Variants in MAN2B2 observed in about 807,000 individuals in gnomAD.
The protein encoded by MAN2B2 is mannosidase alpha class 2B member 2.
Under a neutral mutation model 117.1 loss-of-function variants are expected in MAN2B2, and 106 were observed. The observed-to-expected ratio is 0.90, with a 90% confidence interval of 0.77 to 1.06. The LOEUF is 1.06. MAN2B2 is among the 50% of genes least tolerant of loss of function. The probability of loss-of-function intolerance (pLI) is 0.00; values close to 1 mark genes in which losing one functional copy is unlikely to be tolerated. For synonymous variants in MAN2B2, 544 were observed against 595.1 expected (o/e 0.91, Z 1.25); for missense variants, 1,326 against 1,381.4 (o/e 0.96, Z 0.64).
intron 3 of MAN2B2, among the ~76,000 whole-genome samples, chr4:6,582,636 G>A (rs1424458159): frequency 2.0e-5 from 3 of 151,748 alleles, no homozygotes; most frequent in East Asian, 1.9e-4. Flanking sequence ...CACCAAGCCC[G>A]GCCCCCAGCA....
chr4:6,617,724 A>C, intron 17 of MAN2B2: 2 of 653,962 alleles, frequency 3.1e-6, no homozygotes, highest in Non-Finnish European at 4.7e-6. Context: ...TCTGTTGCCC[A>C]GTCTGGGGTG....
At chr4:6,607,355 T>C (rs1349096496) in intron 11 of MAN2B2, among the ~76,000 whole-genome samples, 2 of 152,158 alleles carry the variant, frequency 1.3e-5, no homozygotes, top group Non-Finnish European at 2.9e-5. Context: ...TACATGTGCA[T>C]ACCACCACAC....
At chr4:6,579,114 CCATCACCACT>C in intron 3 of MAN2B2, among the ~76,000 whole-genome samples, 1 of 64,636 alleles carries the variant, frequency 1.5e-5, no homozygotes. Flanking sequence ...ACCACCATCA[CCATCACCACT>C]ACCACCACCA....
intron 15 of MAN2B2, among the ~76,000 whole-genome samples, chr4:6,611,644 G>C (rs1711563511): frequency 6.6e-6 from 1 of 152,142 alleles, no homozygotes; most frequent in Non-Finnish European, 1.5e-5. Flanking sequence ...TTGTTAGCTG[G>C]GCATGGTGGC....
rs754905761 is a variant in MAN2B2 at position 6,576,700 on chromosome 4, C to T, written c.261C>T (p.Val87=). The change falls in exon 2 of 19, where the codon GTC becomes GTT. Residue 87 remains valine (V), a synonymous_variant. Transcript: ENST00000285599. ...TTTTCCGGCTGTGGTGGGATGGCGT[C>T]GCCTCGGACCAGCAGAAATACCAGG... The part of the protein sequence containing the change: ...QEFFRLWWDG[V]ASDQQKYQVR... The T allele has an allele frequency of 1.7e-5, 28 of 1,613,788 alleles. No individual in the cohort carries two copies. The highest frequency in any genetic ancestry group is 1.6e-4 in the East Asian group (7 of 44,880).
In MAN2B2 at chr4:6,622,874, GAC is replaced by G. The variant is rs949310006; in HGVS notation, c.*1591_*1592del. The stretch of plus-strand genomic sequence containing the variant: ...TGCAGTTTGGCCACCAGACAGCAAA[GAC>G]AGTCTCTGGTTTGGCCAGGCAGGAG... On this transcript the variant is annotated 3_prime_UTR_variant, in exon 19 of 19. Coordinates refer to ENST00000285599, the MANE Select transcript of MAN2B2 (RefSeq NM_015274.3). 16 of 152,124 alleles carry G rather than the reference GAC, an allele frequency of 1.1e-4. 1 individual carries two copies. Among genetic ancestry groups the G allele is most frequent in the African/African-American group, 3.4e-4 (14 of 41,174 alleles). The allele number at this position is 152,124 out of a possible 1,614,324, so 9.4% of individuals were successfully genotyped here.
intron 1 of MAN2B2, 75 bp downstream of exon 1, chr4:6,575,423 G>C: frequency 8.4e-7 from 1 of 1,190,614 alleles, no homozygotes; most frequent in East Asian, 3.0e-5. Flanking sequence ...GTGTGGGTTT[G>C]CGTCCCGGGG....
At chr4:6,600,504 G>A in intron 9 of MAN2B2, 119 bp from the exon 10 acceptor site, 4 of 1,221,140 alleles carry the variant, frequency 3.3e-6, no homozygotes, top group Non-Finnish European at 4.7e-6. Context: ...TCCCCTGGGA[G>A]TTCTGGAGGG....
At position 6,610,861 on chromosome 4, in the gene MAN2B2, G is replaced by A; in HGVS notation, c.2260-19G>A. 7 of 1,612,272 alleles carry A rather than the reference G, an allele frequency of 4.3e-6. No individual in the cohort carries two copies. The highest frequency in any genetic ancestry group is 5.1e-6 in the Non-Finnish European group (6 of 1,178,300). ...GCCCTTTGCCCCAATCGCCCACCTG[G>A]CGATGTTTCTGTCTGCAGAATTACT... On this transcript the variant is annotated intron_variant, in intron 13 of 18. Coordinates refer to ENST00000285599, the MANE Select transcript of MAN2B2 (RefSeq NM_015274.3).
chr4:6,584,936 G>A (rs112646682), intron 3 of MAN2B2, among the ~76,000 whole-genome samples: 2,261 of 152,206 alleles, frequency 0.015, 24 homozygotes, highest in Middle Eastern at 0.044. Flanking sequence ...TGCCCCCACC[G>A]GCTGCCCTGT....
Position 6,617,229 on chromosome 4 carries a change from C to T in MAN2B2, c.2702-151C>T, listed in dbSNP as rs772639737. 29 of 606,504 alleles carry T rather than the reference C, an allele frequency of 4.8e-5. 1 individual carries two copies. Among genetic ancestry groups the T allele is most frequent in the Non-Finnish European group, 6.1e-5 (21 of 342,288 alleles). 37.6% of individuals were successfully genotyped at this position (606,504 alleles called of 1,614,324 possible). A position where few individuals can be genotyped will look rare whatever the true frequency, so the allele number is the denominator to read the frequency against. The stretch of plus-strand genomic sequence containing the variant: ...TGGACATTATGGGAGCTACAATTCA[C>T]GATGAGATTTGGTTGGGGACACAGC... On this transcript the variant is annotated intron_variant, in intron 16 of 18. Coordinates refer to ENST00000285599, the MANE Select transcript of MAN2B2 (RefSeq NM_015274.3).
At chr4:6,588,840 A>C (rs1391173416) in intron 4 of MAN2B2, among the ~76,000 whole-genome samples, 1 of 152,168 alleles carries the variant, frequency 6.6e-6, no homozygotes, top group Non-Finnish European at 1.5e-5. Context: ...TGCATCGAGG[A>C]GTGGGTGGGG....
At chr4:6,587,979 G>A (rs1490537074) in intron 4 of MAN2B2, among the ~76,000 whole-genome samples, 4 of 151,666 alleles carry the variant, frequency 2.6e-5, no homozygotes, top group Admixed American at 6.6e-5. Flanking sequence ...GGCTGGTCTC[G>A]AACTCCTGTC....
chr4:6,609,661 C>A (rs1185927989), intron 12 of MAN2B2, 137 bp from the exon 13 acceptor site: 12 of 1,119,534 alleles, frequency 1.1e-5, no homozygotes, highest in Non-Finnish European at 1.4e-5. Flanking sequence ...TGCTATTGTC[C>A]ACATGGCCCA....
In MAN2B2 at chr4:6,593,166, C is replaced by T. The variant is rs547149691; in HGVS notation, c.681-7C>T. ...GTCTTCTGCCCTAACCTTCTGCCCT[C>T]GCACAGGTCAGGATTTTACTGGAAT... On this transcript the variant is annotated splice_region_variant and splice_polypyrimidine_tract_variant and intron_variant, in intron 5 of 18. Transcript: ENST00000285599. 5.0e-6 allele frequency: 8 copies of T among 1,613,278 alleles called. No homozygotes were observed. Among genetic ancestry groups the T allele is most frequent in the South Asian group, 2.2e-5 (2 of 90,964 alleles).
intron 11 of MAN2B2, 80 bp downstream of exon 11, chr4:6,605,409 A>G: frequency 6.7e-7 from 1 of 1,489,126 alleles, no homozygotes. Flanking sequence ...TGGATTCTCC[A>G]TTTGCTCACT....
chr4:6,579,222 C>CCACCACCATCACCACCACCACCCTT (rs1560634718), intron 3 of MAN2B2, among the ~76,000 whole-genome samples: 16 of 77,802 alleles, frequency 2.1e-4, no homozygotes, highest in African/African-American at 6.5e-4. Flanking sequence ...ACCACCACCA[C>CCACCACCATCACCACCACCACCCTT]CACCACCATC....
intron 16 of MAN2B2, among the ~76,000 whole-genome samples, chr4:6,614,626 G>C (rs1279783960): frequency 6.6e-6 from 1 of 152,182 alleles, no homozygotes; most frequent in Non-Finnish European, 1.5e-5. Context: ...CCCCAGCTGA[G>C]ACTAAGGAAC....
At chr4:6,600,796 T>A in intron 10 of MAN2B2, 40 bp downstream of exon 10, 1 of 1,608,288 alleles carries the variant, frequency 6.2e-7, no homozygotes, top group Non-Finnish European at 8.5e-7. Flanking sequence ...CTTAGCTGCT[T>A]GCTGAACCTG....
Sources: gnomAD v4.1 joint callset for allele counts (sites outside exome capture counted in the v4.1 genomes callset) on GRCh38, gnomAD v4.1.1 for gene constraint, MANE v1.5 for transcripts, NCBI Gene and HGNC (gene_info 2026-07-23, HGNC 2026-07-21) for gene names.